STK3: variants seen among roughly 807,000 people sequenced by gnomAD.
The protein encoded by STK3 is serine/threonine-protein kinase 3.
STK3 carries 41 observed loss-of-function variants against 58.0 expected under a neutral mutation model. That is an observed-to-expected ratio of 0.71 (90% confidence interval 0.55 to 0.92). The LOEUF (loss-of-function observed/expected upper bound fraction) is 0.92. Among genes scored for constraint, STK3 ranks in the 40% least tolerant of loss-of-function variants. The pLI is 0.00. For synonymous variants in STK3, 170 were observed against 191.0 expected, an observed-to-expected ratio of 0.89 and a Z score of 0.91; for missense variants, 479 against 602.7, an observed-to-expected ratio of 0.79 and a Z score of 2.15.
chr8:98,848,214 C>T (rs1836285907), intron 3 of STK3, among the ~76,000 whole-genome samples: 1 of 152,026 alleles, frequency 6.6e-6, no homozygotes, highest in Non-Finnish European at 1.5e-5. Flanking sequence ...TCCCTCATCC[C>T]TCCCAGTCCC....
chr8:98,488,007 A>G (rs927597874), intron 10 of STK3, among the ~76,000 whole-genome samples: 2 of 152,232 alleles, frequency 1.3e-5, no homozygotes, highest in African/African-American at 4.8e-5. Flanking sequence ...TTTTGGTGTA[A>G]CTGTCAGAAC....
intron 8 of STK3, among the ~76,000 whole-genome samples, chr8:98,557,292 C>T (rs1811669996): frequency 6.6e-6 from 1 of 151,974 alleles, no homozygotes; most frequent in Non-Finnish European, 1.5e-5. Flanking sequence ...CGTACATTTG[C>T]TTGTATGTCT....
At chr8:98,877,272 T>C (rs1307118720) in intron 3 of STK3, among the ~76,000 whole-genome samples, 4 of 152,178 alleles carry the variant, frequency 2.6e-5, no homozygotes, top group Non-Finnish European at 4.4e-5. Flanking sequence ...GAGTCTGGAA[T>C]TTAAAATAAT....
intron 10 of STK3, among the ~76,000 whole-genome samples, chr8:98,457,892 G>A (rs532322592): frequency 1.3e-5 from 2 of 152,202 alleles, no homozygotes; most frequent in Non-Finnish European, 2.9e-5. Context: ...GTAATAGACT[G>A]AACTCAGAAA....
In STK3 at chr8:98,489,335, T is replaced by A. The variant is rs922167377; in HGVS notation, c.1318-33335A>T. On this transcript the variant is annotated intron_variant, in intron 10 of 10. Transcript: ENST00000419617. ...TTCTCTACATGCCTTCCCAGCCCAA[T>A]GTCAGGAGTTAATTTTATCATTAAT... Among the ~76,000 whole-genome samples the A allele has an allele frequency of 2.6e-5, 4 of 152,272 alleles. No individual in the cohort carries two copies. In the South Asian group the frequency reaches 8.3e-4, roughly 32 times the overall value.
At chr8:98,361,815 C>G in the STK3 span, among the ~76,000 whole-genome samples, 2 of 152,174 alleles carry the variant, frequency 1.3e-5, no homozygotes, top group Non-Finnish European at 2.9e-5. Context: ...TTGGAGAGAG[C>G]TGCAGGGACA....
chr8:98,811,271 G>GT (rs766255430), intron 1 of STK3, among the ~76,000 whole-genome samples: 8 of 152,156 alleles, frequency 5.3e-5, no homozygotes, highest in Non-Finnish European at 1.2e-4. Context: ...TTTCAGCTCT[G>GT]TAACTGTCAA....
At chr8:98,878,480 C>T (rs1195751712) in intron 3 of STK3, among the ~76,000 whole-genome samples, 1 of 152,182 alleles carries the variant, frequency 6.6e-6, no homozygotes, top group Non-Finnish European at 1.5e-5. Context: ...ATTCTGATTA[C>T]CTACTCCACC....
chr8:98,388,466 A>C (rs1214289138), upstream of STK3, among the ~76,000 whole-genome samples: 1 of 152,234 alleles, frequency 6.6e-6, no homozygotes, highest in Non-Finnish European at 1.5e-5. Flanking sequence ...ATGTCTTCTA[A>C]TGCGATGTAT....
intron 1 of STK3, among the ~76,000 whole-genome samples, chr8:98,888,673 A>C (rs1838083873): frequency 6.6e-6 from 1 of 152,240 alleles, no homozygotes; most frequent in Non-Finnish European, 1.5e-5. Flanking sequence ...AGGAATTCAA[A>C]AATGCAGTAA....
At chr8:98,500,932 G>A (rs1823534562) in intron 10 of STK3, among the ~76,000 whole-genome samples, 1 of 152,052 alleles carries the variant, frequency 6.6e-6, no homozygotes, top group Admixed American at 6.5e-5. Context: ...TCCAGTAATG[G>A]GATCTCTGGG....
chr8:98,475,936 A>G (rs772168917), intron 10 of STK3, among the ~76,000 whole-genome samples: 5 of 152,208 alleles, frequency 3.3e-5, no homozygotes, highest in African/African-American at 4.8e-5. Flanking sequence ...GTTTGTCATA[A>G]TCAAATACGG....
chr8:98,513,573 C>T (rs1824695196), intron 10 of STK3, among the ~76,000 whole-genome samples: 1 of 152,128 alleles, frequency 6.6e-6, no homozygotes, highest in South Asian at 2.1e-4. Flanking sequence ...ATATATTGGC[C>T]TAGAAACTTG....
At chr8:98,350,498 C>T in the STK3 span, among the ~76,000 whole-genome samples, 46 of 152,192 alleles carry the variant, frequency 3.0e-4, no homozygotes, top group Admixed American at 3.0e-3. Flanking sequence ...GGTATCTTTT[C>T]AGCAGTGCCC....
intron 1 of STK3, among the ~76,000 whole-genome samples, chr8:98,790,260 T>G (rs1393656989): frequency 6.6e-6 from 1 of 152,092 alleles, no homozygotes; most frequent in Non-Finnish European, 1.5e-5. Context: ...GATTAACATA[T>G]AAGTTAAAAT....
chr8:98,693,927 G>A (rs959636698), intron 6 of STK3, among the ~76,000 whole-genome samples: 12 of 152,036 alleles, frequency 7.9e-5, no homozygotes, highest in East Asian at 3.8e-4. Context: ...ATTAAAAAAC[G>A]GTTAACTAAG....
intron 3 of STK3, among the ~76,000 whole-genome samples, chr8:98,766,031 C>G (rs915663900): frequency 6.6e-6 from 1 of 152,078 alleles, no homozygotes; most frequent in Non-Finnish European, 1.5e-5. Context: ...TTGTTTTTAC[C>G]TTTCTACCTG....
chr8:98,867,104 A>C (rs947165564), intron 3 of STK3, among the ~76,000 whole-genome samples: 1 of 152,178 alleles, frequency 6.6e-6, no homozygotes, highest in South Asian at 2.1e-4. Flanking sequence ...TGAAGTTGTC[A>C]TTATAATTAC....
chr8:98,487,180 T>A (rs760190684), intron 10 of STK3, among the ~76,000 whole-genome samples: 16 of 152,124 alleles, frequency 1.1e-4, no homozygotes, highest in Non-Finnish European at 2.4e-4. Context: ...GTCTCATAAG[T>A]TCACTATAAA....
Sources: allele counts gnomAD v4.1 joint callset (sites outside exome capture counted in the v4.1 genomes callset), GRCh38; gene constraint gnomAD v4.1.1; transcripts MANE v1.5; gene names NCBI Gene and HGNC (gene_info 2026-07-23, HGNC 2026-07-21).